Variants in CAMTA1 observed in about 807,000 individuals in gnomAD.
CAMTA1 encodes the protein calmodulin-binding transcription activator 1.
In CAMTA1, 27 loss-of-function variants were observed where a neutral mutation model predicts 170.9. The observed-to-expected ratio is 0.16, with a 90% CI of 0.12 to 0.22. The LOEUF (loss-of-function observed/expected upper bound fraction) is 0.22. Among genes scored for constraint, CAMTA1 ranks in the 10% least tolerant of loss-of-function variants. The pLI, the probability that CAMTA1 is intolerant of heterozygous loss-of-function variation, is 1.00. For missense variants in CAMTA1, 1,619 were observed against 2,217.2 expected (o/e 0.73, Z 5.42); for synonymous variants, 833 against 891.5 (o/e 0.93, Z 1.17).
rs183642302 is a variant in CAMTA1, at chr1:7,454,241, G to A, written c.439-13589G>A. Reference sequence around the variant, plus strand: ...ACCTCGCCTCACACTTCCTGGGCGGGAGTCCCCACTAGGTGGCCGCCTGAG... The same window carrying A: ...ACCTCGCCTCACACTTCCTGGGCGGAAGTCCCCACTAGGTGGCCGCCTGAG... On this transcript the variant is annotated intron_variant, in intron 5 of 22. Coordinates refer to ENST00000303635, the MANE Select transcript of CAMTA1 (RefSeq NM_015215.4). 5.0e-3 allele frequency among the ~76,000 whole-genome samples: 758 copies of A among 152,322 alleles called. 10 individuals carry two copies. The highest frequency in any genetic ancestry group is 0.017 in the African/African-American group (700 of 41,584).
intron 4 of CAMTA1, among the ~76,000 whole-genome samples, chr1:7,163,370 G>A (rs144118268): frequency 6.6e-6 from 1 of 151,870 alleles, no homozygotes; most frequent in African/African-American, 2.4e-5. Context: ...TCATATGGAT[G>A]TTGAGGTCAT....
chr1:7,680,851 C>A lies in CAMTA1; in HGVS notation c.2914+3118C>A, dbSNP rs527369825. Among the ~76,000 whole-genome samples the A allele has an allele frequency of 9.4e-6, 1 of 106,014 alleles. No homozygotes were observed. The highest frequency in any genetic ancestry group is 9.6e-5 in the Admixed American group (1 of 10,378). 69.5% of individuals were successfully genotyped at this position (106,014 alleles called of 152,430 possible). A position where few individuals can be genotyped will look rare whatever the true frequency, so the allele number is the denominator to read the frequency against. ...CCGGGGCGCAGAGAACACGCGCGCG[C>A]GCGCGCGCGCCAGCAGCAGCAGCAG... On this transcript the variant is annotated intron_variant, in intron 11 of 22. Coordinates refer to ENST00000303635, the MANE Select transcript of CAMTA1 (RefSeq NM_015215.4). The surrounding 1 kb of genome is among the most constrained non-coding windows in gnomAD (Gnocchi z 4.4).
chr1:7,074,768 C>T (rs1006161216), intron 3 of CAMTA1, among the ~76,000 whole-genome samples: 6 of 152,194 alleles, frequency 3.9e-5, no homozygotes, highest in Admixed American at 2.0e-4. Context: ...ATTTAATTCT[C>T]ATAACTACCT....
intron 5 of CAMTA1, among the ~76,000 whole-genome samples, chr1:7,274,747 T>C (rs1353357521): frequency 6.6e-6 from 1 of 152,196 alleles, no homozygotes; most frequent in Non-Finnish European, 1.5e-5. Context: ...ACTGAATTAA[T>C]TTAGGATTCA....
rs1465736414 is a variant in CAMTA1, at chr1:7,299,500, C to T, written c.438+49874C>T. 6.6e-6 allele frequency among the ~76,000 whole-genome samples: 1 copy of T among 152,226 alleles called. No homozygotes were observed. The highest frequency in any genetic ancestry group is 1.5e-5 in the Non-Finnish European group (1 of 68,042). On this transcript the variant is annotated intron_variant, in intron 5 of 22. Coordinates refer to ENST00000303635, the MANE Select transcript of CAMTA1 (RefSeq NM_015215.4). This position sits in a 1 kb window ranked among gnomAD's most constrained non-coding sequence, Gnocchi z 4.7. Reference sequence around the variant, plus strand: ...TGTTTATAGTCTGGGCAATTTGCCTCCTGCTGCTGCATGACTCAGACTCGG... The same window carrying T: ...TGTTTATAGTCTGGGCAATTTGCCTTCTGCTGCTGCATGACTCAGACTCGG...
At chr1:7,149,580 A>T (rs1646446044) in intron 4 of CAMTA1, among the ~76,000 whole-genome samples, 1 of 152,050 alleles carries the variant, frequency 6.6e-6, no homozygotes, top group South Asian at 2.1e-4. Flanking sequence ...CTGCTGGGGG[A>T]TCCAGTGAGC....
intron 3 of CAMTA1, among the ~76,000 whole-genome samples, chr1:7,000,365 C>T (rs1215499868): frequency 1.3e-5 from 2 of 152,232 alleles, no homozygotes; most frequent in Non-Finnish European, 1.5e-5. Flanking sequence ...CCAGCCCCTG[C>T]GTCAGCCACT....
intron 4 of CAMTA1, among the ~76,000 whole-genome samples, chr1:7,108,529 A>G (rs898406886): frequency 3.9e-5 from 6 of 152,170 alleles, no homozygotes; most frequent in African/African-American, 1.4e-4. Flanking sequence ...CTCGACTACC[A>G]GAAACGATTC....
rs2083136242 is a variant in CAMTA1, at chr1:7,333,134, C to T, written c.438+83508C>T. 6.6e-6 allele frequency among the ~76,000 whole-genome samples: 1 copy of T among 152,184 alleles called. No individual in the cohort carries two copies. The highest frequency in any genetic ancestry group is 1.5e-5 in the Non-Finnish European group (1 of 68,036). On this transcript the variant is annotated intron_variant, in intron 5 of 22. Transcript: ENST00000303635. This position sits in a 1 kb window ranked among gnomAD's most constrained non-coding sequence, Gnocchi z 4.4. ...CCTCTTTAGTCCTAGTGGCAGGTCA[C>T]CCAGTGACTGGCATTCAGGAGCTAA... is the stretch of plus-strand genomic sequence containing the variant.
In CAMTA1 at chr1:7,635,818, A is replaced by T. The variant is rs186771933; in HGVS notation, c.511-4582A>T. On this transcript the variant is annotated intron_variant, in intron 6 of 22. Coordinates refer to ENST00000303635, the MANE Select transcript of CAMTA1 (RefSeq NM_015215.4). This position sits in a 1 kb window ranked among gnomAD's most constrained non-coding sequence, Gnocchi z 4.4. Reference sequence around the variant, plus strand: ...TGATACATTAGGACTCCAAGCTAATATATTTTTCTGCCAAAAACACCCAAT... The same window carrying T: ...TGATACATTAGGACTCCAAGCTAATTTATTTTTCTGCCAAAAACACCCAAT... Among the ~76,000 whole-genome samples, 7 of 152,332 alleles carry T rather than the reference A, an allele frequency of 4.6e-5. No homozygotes were observed. The highest frequency in any genetic ancestry group is 1.7e-4 in the African/African-American group (7 of 41,586).
chr1:7,270,206 TATATATAC>T (rs1439910493), intron 5 of CAMTA1, among the ~76,000 whole-genome samples: 4 of 137,272 alleles, frequency 2.9e-5, no homozygotes, highest in Admixed American at 1.5e-4. Flanking sequence ...TATATACACA[TATATATAC>T]ATATATACAT....
chr1:7,255,501 C>G (rs939461145), intron 5 of CAMTA1, among the ~76,000 whole-genome samples: 4 of 152,080 alleles, frequency 2.6e-5, no homozygotes, highest in Non-Finnish European at 5.9e-5. Flanking sequence ...GATTCTCCCC[C>G]GCCCCGCCCC....
chr1:7,493,643 T>TG (rs34756858), intron 6 of CAMTA1, among the ~76,000 whole-genome samples: 74 of 147,732 alleles, frequency 5.0e-4, no homozygotes, highest in Middle Eastern at 3.5e-3. Flanking sequence ...CCCAGGGAAC[T>TG]GGGGGGGGGG....
At chr1:7,163,915 T>C (rs1316602709) in intron 4 of CAMTA1, among the ~76,000 whole-genome samples, 1 of 152,242 alleles carries the variant, frequency 6.6e-6, no homozygotes, top group Non-Finnish European at 1.5e-5. Flanking sequence ...CCCTTTAGAC[T>C]GTACATTTTG....
chr1:7,670,796 A>C (rs1376038510), intron 9 of CAMTA1, 115 bp from the exon 10 acceptor site: 1 of 1,184,614 alleles, frequency 8.4e-7, no homozygotes, highest in Non-Finnish European at 1.2e-6. Flanking sequence ...GGGAATCTGC[A>C]TGGGGCGAGG....
chr1:6,927,504 C>T (rs891780455), intron 3 of CAMTA1, among the ~76,000 whole-genome samples: 2 of 152,198 alleles, frequency 1.3e-5, no homozygotes, highest in Non-Finnish European at 2.9e-5. Context: ...AACCAAATTA[C>T]GAATGGGATA....
intron 3 of CAMTA1, among the ~76,000 whole-genome samples, chr1:7,068,245 G>A (rs182173557): frequency 2.4e-4 from 37 of 152,188 alleles, no homozygotes; most frequent in Non-Finnish European, 4.7e-4. Flanking sequence ...TCATTGTGTT[G>A]TGCTCAGTTT....
chr1:7,584,795 G>A (rs562519872), intron 6 of CAMTA1, among the ~76,000 whole-genome samples: 121 of 152,260 alleles, frequency 7.9e-4, no homozygotes, highest in Non-Finnish European at 1.0e-3. Flanking sequence ...AGATGCTATC[G>A]GTTGTCACAG....
intron 3 of CAMTA1, among the ~76,000 whole-genome samples, chr1:7,029,917 A>T (rs1399460915): frequency 6.6e-6 from 1 of 152,232 alleles, no homozygotes; most frequent in Non-Finnish European, 1.5e-5. Flanking sequence ...GGTAATGTTT[A>T]ACATTTTTGC....
Sources: gnomAD v4.1 joint callset for allele counts (sites outside exome capture counted in the v4.1 genomes callset) on GRCh38, gnomAD v4.1.1 for gene constraint, Gnocchi (gnomAD v3.1) non-coding constraint, MANE v1.5 for transcripts, NCBI Gene and HGNC (gene_info 2026-07-23, HGNC 2026-07-21) for gene names.